CMIP: variants seen among roughly 807,000 people sequenced by gnomAD.
The protein encoded by CMIP is c-Maf inducing protein, also known as C-Maf-inducing protein.
Under a neutral mutation model 97.3 loss-of-function variants are expected in CMIP, and 13 were observed. That is an observed-to-expected ratio of 0.13 (90% CI 0.09 to 0.21). The LOEUF (loss-of-function observed/expected upper bound fraction) is 0.21. Among genes scored for constraint, CMIP ranks in the 10% least tolerant of loss-of-function variants. The pLI is 1.00. For synonymous variants in CMIP, 538 were observed against 436.3 expected (o/e 1.23, Z -2.91); for missense variants, 847 against 1,024.9 (o/e 0.83, Z 2.37).
At chr16:81,551,410 T>C (rs976757745) in intron 1 of CMIP, among the ~76,000 whole-genome samples, 1 of 152,244 alleles carries the variant, frequency 6.6e-6, no homozygotes, top group African/African-American at 2.4e-5. Flanking sequence ...AAAATATCCA[T>C]TGGCTTCCTG....
chr16:81,651,460 A>T (rs1056826506), intron 3 of CMIP: 7 of 865,562 alleles, frequency 8.1e-6, no homozygotes, highest in African/African-American at 1.8e-5. Flanking sequence ...CACCAGGTGG[A>T]TGCGGAGGGC....
At chr16:81,691,919 C>A in intron 11 of CMIP, 79 bp downstream of exon 11, 1 of 1,253,626 alleles carries the variant, frequency 8.0e-7, no homozygotes, top group Non-Finnish European at 1.2e-6. Context: ...TAGTGGGGGG[C>A]CAGTCATGTT....
At position 81,711,368 on chromosome 16, in the gene CMIP, T is replaced by C. The variant is rs925822284; in HGVS notation, c.*1569T>C. The C allele has an allele frequency of 5.9e-5, 9 of 152,242 alleles. No individual in the cohort carries two copies. Among genetic ancestry groups the C allele is most frequent in the Admixed American group, 2.6e-4 (4 of 15,254 alleles). 9.4% of individuals were successfully genotyped at this position (152,242 alleles called of 1,614,324 possible). ...TTATTACCCCCCCACTATGCCCTCA[T>C]TTTTTTAAAAAAGGAAAAAAAAAAG... On this transcript the variant is annotated 3_prime_UTR_variant, in exon 21 of 21. Coordinates refer to ENST00000537098, the MANE Select transcript of CMIP (RefSeq NM_198390.3).
intron 1 of CMIP, among the ~76,000 whole-genome samples, chr16:81,594,389 G>A (rs1471845075): frequency 6.6e-6 from 1 of 151,408 alleles, no homozygotes; most frequent in Non-Finnish European, 1.5e-5. Context: ...CAAAGTGCTG[G>A]GCTGACAGGT....
chr16:81,580,328 A>C (rs987833566), intron 1 of CMIP, among the ~76,000 whole-genome samples: 3 of 152,236 alleles, frequency 2.0e-5, no homozygotes, highest in Admixed American at 6.5e-5. Context: ...CACGCTGGGC[A>C]CTAAGCTAAG....
chr16:81,514,567 A>C (rs2089874724), intron 1 of CMIP, among the ~76,000 whole-genome samples: 1 of 152,198 alleles, frequency 6.6e-6, no homozygotes. Context: ...CCTATTAATT[A>C]AGACTTTAGC....
intron 10 of CMIP, among the ~76,000 whole-genome samples, chr16:81,689,224 C>T (rs985534659): frequency 6.6e-5 from 10 of 152,208 alleles, no homozygotes; most frequent in Admixed American, 2.6e-4. Context: ...ATCCTCAAGG[C>T]ATCTCCACAC....
intron 1 of CMIP, chr16:81,495,354 C>T: frequency 6.7e-7 from 1 of 1,485,072 alleles, no homozygotes; most frequent in East Asian, 2.5e-5. Context: ...CCACAGGCTT[C>T]TTGGATGGGC....
intron 1 of CMIP, among the ~76,000 whole-genome samples, chr16:81,553,923 A>G (rs936551471): frequency 9.2e-5 from 14 of 152,324 alleles, no homozygotes; most frequent in East Asian, 7.7e-4. Context: ...TTGGTGGTCT[A>G]ACACCCTCCT....
chr16:81,510,369 T>A (rs1350617408), intron 1 of CMIP, among the ~76,000 whole-genome samples: 1 of 152,222 alleles, frequency 6.6e-6, no homozygotes, highest in African/African-American at 2.4e-5. Context: ...GATGACAATG[T>A]CAATAATGGT....
At chr16:81,560,443 C>T (rs185275501) in intron 1 of CMIP, among the ~76,000 whole-genome samples, 3,796 of 152,246 alleles carry the variant, frequency 0.025, 155 homozygotes, top group African/African-American at 0.087. Flanking sequence ...TGGTCTTGAT[C>T]TCCTGACCTC....
intron 8 of CMIP, among the ~76,000 whole-genome samples, chr16:81,671,393 C>G (rs2092681995): frequency 6.6e-6 from 1 of 152,170 alleles, no homozygotes. Context: ...ATAGCCAAGA[C>G]AAGTAATAAT....
chr16:81,455,286 G>T (rs1259497051), intron 1 of CMIP, among the ~76,000 whole-genome samples: 1 of 152,174 alleles, frequency 6.6e-6, no homozygotes, highest in Non-Finnish European at 1.5e-5. Flanking sequence ...CTCTTGCCAG[G>T]GGCTATGCTA....
At chr16:81,675,043 C>T (rs1406402283) in intron 9 of CMIP, among the ~76,000 whole-genome samples, 1 of 152,216 alleles carries the variant, frequency 6.6e-6, no homozygotes, top group Non-Finnish European at 1.5e-5. Flanking sequence ...ATGGCCCTGG[C>T]ATCTGTTTTT....
intron 1 of CMIP, among the ~76,000 whole-genome samples, chr16:81,458,334 G>T (rs1218932032): frequency 6.6e-6 from 1 of 152,184 alleles, no homozygotes; most frequent in Non-Finnish European, 1.5e-5. Flanking sequence ...CTACCCGCAG[G>T]CTTGGTGAAG....
Position 81,664,362 on chromosome 16 carries a change from G to T in CMIP, c.825+13G>T, listed in dbSNP as rs776009865. 9.5e-6 allele frequency: 15 copies of T among 1,580,736 alleles called. No homozygotes were observed. The South Asian group carries it at 1.6e-4, about 17-fold the overall frequency. On this transcript the variant is annotated intron_variant, in intron 7 of 20. Coordinates refer to ENST00000537098, the MANE Select transcript of CMIP (RefSeq NM_198390.3). ...CAAGCATAACATGGTGAGTCACCCT[G>T]CCCCAACACCCAGACCCCAGCGCCC...
chr16:81,646,073 G>A (rs1296825500), intron 3 of CMIP, among the ~76,000 whole-genome samples: 1 of 151,436 alleles, frequency 6.6e-6, no homozygotes, highest in African/African-American at 2.4e-5. Flanking sequence ...AGTGATGGAA[G>A]TATGGATGGT....
At chr16:81,656,283 C>T (rs1231198089) in intron 4 of CMIP, among the ~76,000 whole-genome samples, 1 of 152,218 alleles carries the variant, frequency 6.6e-6, no homozygotes, top group Non-Finnish European at 1.5e-5. Context: ...GCCTTGGCTT[C>T]TGTAAACACA....
chr16:81,577,440 C>G (rs868594980), intron 1 of CMIP, among the ~76,000 whole-genome samples: 948 of 84,490 alleles, frequency 0.011, no homozygotes, highest in African/African-American at 0.026. Flanking sequence ...ACCATCATAA[C>G]CATCACCTTC....
Sources: gnomAD v4.1 joint callset for allele counts (sites outside exome capture counted in the v4.1 genomes callset) on GRCh38, gnomAD v4.1.1 for gene constraint, MANE v1.5 for transcripts, NCBI Gene and HGNC (gene_info 2026-07-23, HGNC 2026-07-21) for gene names.